DNAAF5: variants seen among roughly 807,000 people sequenced by gnomAD.
The protein encoded by DNAAF5 is dynein axonemal assembly factor 5.
DNAAF5 carries 64 observed loss-of-function variants against 75.8 expected under a neutral mutation model. That is an observed-to-expected ratio of 0.84 (90% CI 0.69 to 1.04). The LOEUF (loss-of-function observed/expected upper bound fraction) is 1.04, where lower values mean the gene tolerates loss of function less well. Among genes scored for constraint, DNAAF5 ranks in the 50% least tolerant of loss-of-function variants. The pLI is 0.00. For missense variants in DNAAF5, 1,269 were observed against 1,178.5 expected, an observed-to-expected ratio of 1.08 and a Z score of -1.12; for synonymous variants, 657 against 557.2, an observed-to-expected ratio of 1.18 and a Z score of -2.52.
chr7:735,030 G>T (rs1046255756), intron 2 of DNAAF5, among the ~76,000 whole-genome samples: 1 of 151,766 alleles, frequency 6.6e-6, no homozygotes, highest in Non-Finnish European at 1.5e-5. Context: ...TCATGGTGTA[G>T]CTGCTCACGG....
chr7:753,641 GTC>G (rs1782378757), intron 4 of DNAAF5, among the ~76,000 whole-genome samples: 1 of 138,486 alleles, frequency 7.2e-6, no homozygotes, highest in South Asian at 2.5e-4. Context: ...GCGTATCTCT[GTC>G]ATCATATGGC....
At chr7:760,813 G>A (rs963733288) in intron 6 of DNAAF5, among the ~76,000 whole-genome samples, 3 of 152,222 alleles carry the variant, frequency 2.0e-5, no homozygotes, top group East Asian at 3.8e-4. Context: ...CAGCGCAGCC[G>A]TAGGTGCAGA....
intron 2 of DNAAF5, among the ~76,000 whole-genome samples, chr7:730,347 G>A (rs985454278): frequency 3.3e-5 from 5 of 152,138 alleles, no homozygotes; most frequent in African/African-American, 1.2e-4. Flanking sequence ...TGGCCTGGAG[G>A]GCATGTCTTG....
chr7:768,828 T>C (rs1327884490), intron 8 of DNAAF5: 1 of 306,606 alleles, frequency 3.3e-6, no homozygotes. Flanking sequence ...TTCTTTTTGT[T>C]TTTAAGCCAG....
chr7:758,116 T>G (rs915828343), intron 6 of DNAAF5, among the ~76,000 whole-genome samples: 2 of 152,252 alleles, frequency 1.3e-5, no homozygotes, highest in Non-Finnish European at 2.9e-5. Flanking sequence ...TGCTTCAGCT[T>G]TTCCCAAAAC....
At chr7:773,183 G>C (rs1778630991) in intron 9 of DNAAF5, among the ~76,000 whole-genome samples, 1 of 152,184 alleles carries the variant, frequency 6.6e-6, no homozygotes, top group Non-Finnish European at 1.5e-5. Context: ...ACCCACGCCA[G>C]AAACCTCGCG....
At chr7:741,804 C>G (rs980322670) in intron 4 of DNAAF5, among the ~76,000 whole-genome samples, 1 of 152,214 alleles carries the variant, frequency 6.6e-6, no homozygotes, top group African/African-American at 2.4e-5. Flanking sequence ...GTGCATTGAA[C>G]TCTGGGTTCC....
rs189886846 is a variant in DNAAF5 at position 753,976 on chromosome 7, C to T, written c.1025-613C>T. Among the ~76,000 whole-genome samples, 976 of 121,832 alleles carry T rather than the reference C, an allele frequency of 8.0e-3. 35 individuals are homozygous for T. Among genetic ancestry groups the T allele is most frequent in the African/African-American group, 0.03 (908 of 30,772 alleles). The allele number at this position is 121,832 out of a possible 152,430, so 79.9% of individuals were successfully genotyped here. On this transcript the variant is annotated intron_variant, in intron 4 of 12. Transcript: ENST00000297440. ...CAGGCGTGTCTCTCTCATCATATGG[C>T]GATGGCTTCGCAGGCGTGTGTCTCT... is the stretch of plus-strand genomic sequence containing the variant.
intron 6 of DNAAF5, among the ~76,000 whole-genome samples, chr7:758,343 C>T (rs1466827350): frequency 1.3e-5 from 2 of 152,244 alleles, no homozygotes; most frequent in East Asian, 1.9e-4. Flanking sequence ...ATGTTGGTTA[C>T]AGGAAAACGG....
rs974807196 is a variant in DNAAF5 at position 727,324 on chromosome 7, C to G, written c.595+9C>G. 7.1e-6 allele frequency: 9 copies of G among 1,258,864 alleles called. No individual in the cohort carries two copies. Among genetic ancestry groups the G allele is most frequent in the Non-Finnish European group, 9.0e-6 (9 of 999,088 alleles). 78.0% of individuals were successfully genotyped at this position (1,258,864 alleles called of 1,614,324 possible). ...GGCGCAGGCCACGCCCGGTGAGCAC[C>G]CCGGGCCCCGCTCCCACACGCCACC... On this transcript the variant is annotated intron_variant, in intron 1 of 12. Transcript: ENST00000297440.
In DNAAF5 at chr7:754,441, A is replaced by C; in HGVS notation, c.1025-148A>C. On this transcript the variant is annotated intron_variant, in intron 4 of 12. Transcript: ENST00000297440. This position sits in a 1 kb window ranked among gnomAD's most constrained non-coding sequence, Gnocchi z 4.8. ...CTGTGAATGTTCTGAACGACGGGGC[A>C]TTTGTCAGCTTTGCGTCCACCCCAA... The C allele has an allele frequency of 1.4e-6, 1 of 730,834 alleles. No homozygotes were observed. The highest frequency in any genetic ancestry group is 1.7e-5 in the South Asian group (1 of 59,650). 45.3% of individuals were successfully genotyped at this position (730,834 alleles called of 1,614,324 possible).
chr7:733,729 C>T (rs1004474130), intron 2 of DNAAF5, among the ~76,000 whole-genome samples: 3 of 152,160 alleles, frequency 2.0e-5, no homozygotes, highest in Admixed American at 1.3e-4. Flanking sequence ...CTCCTGACTT[C>T]GTGATCCGAC....
At chr7:764,930 G>A (rs993884497) in intron 8 of DNAAF5, among the ~76,000 whole-genome samples, 19 of 152,172 alleles carry the variant, frequency 1.2e-4, no homozygotes, top group Admixed American at 5.2e-4. Flanking sequence ...AAAACCGCAC[G>A]TGCACCTCTG....
intron 2 of DNAAF5, among the ~76,000 whole-genome samples, chr7:737,249 C>T (rs1781767700): frequency 6.6e-6 from 1 of 152,132 alleles, no homozygotes; most frequent in Non-Finnish European, 1.5e-5. Context: ...GCACCCACCA[C>T]CACACCCAGC....
chr7:783,087 C>T (rs1480068083), intron 12 of DNAAF5, among the ~76,000 whole-genome samples: 1 of 152,240 alleles, frequency 6.6e-6, no homozygotes, highest in South Asian at 2.1e-4. Context: ...TGACTTGTAT[C>T]CTCGGCCACA....
At chr7:751,333 T>G in intron 4 of DNAAF5, among the ~76,000 whole-genome samples, 1 of 152,094 alleles carries the variant, frequency 6.6e-6, no homozygotes, top group East Asian at 1.9e-4. Flanking sequence ...CAAGCTGTTC[T>G]TATTAAAACA....
intron 9 of DNAAF5, among the ~76,000 whole-genome samples, chr7:773,170 C>T (rs1173798436): frequency 2.0e-5 from 3 of 152,164 alleles, no homozygotes; most frequent in African/African-American, 4.8e-5. Flanking sequence ...TGCTTAAAAA[C>T]GAACCCACGC....
chr7:785,924 C>A lies in DNAAF5; in HGVS notation c.*271C>A. 1 of 407,026 alleles carries A rather than the reference C, an allele frequency of 2.5e-6. No individual in the cohort carries two copies. The highest frequency in any genetic ancestry group is 4.5e-5 in the East Asian group (1 of 22,122). The allele number at this position is 407,026 out of a possible 1,614,324, so 25.2% of individuals were successfully genotyped here. A position where few individuals can be genotyped will look rare whatever the true frequency, so the allele number is the denominator to read the frequency against. On this transcript the variant is annotated 3_prime_UTR_variant, in exon 13 of 13. Coordinates refer to ENST00000297440, the MANE Select transcript of DNAAF5 (RefSeq NM_017802.4). Reference sequence around the variant, plus strand: ...TAAGTCGCAGCCGCTCCTCCCGCAGCCACTTCAGCAGCATCTTAGATTTTA... The same window carrying A: ...TAAGTCGCAGCCGCTCCTCCCGCAGACACTTCAGCAGCATCTTAGATTTTA...
intron 6 of DNAAF5, among the ~76,000 whole-genome samples, chr7:758,042 G>A (rs569862935): frequency 2.2e-4 from 33 of 152,356 alleles, no homozygotes; most frequent in Middle Eastern, 6.8e-3. Context: ...GGAAGGAAAC[G>A]GAGCTGGGGT....
Sources: allele counts gnomAD v4.1 joint callset (sites outside exome capture counted in the v4.1 genomes callset), GRCh38; gene constraint gnomAD v4.1.1; non-coding constraint Gnocchi (gnomAD v3.1); transcripts MANE v1.5; gene names NCBI Gene and HGNC (gene_info 2026-07-23, HGNC 2026-07-21).